Variants in CUL2 observed in about 807,000 individuals in gnomAD.
The protein encoded by CUL2 is cullin 2, also known as cullin-2.
Under a neutral mutation model 110.2 loss-of-function variants are expected in CUL2, and 22 were observed. That is an observed-to-expected ratio of 0.20 (90% CI 0.14 to 0.28). CUL2 has a LOEUF of 0.28. Among genes scored for constraint, CUL2 ranks in the 10% least tolerant of loss-of-function variants. The pLI is 1.00. For missense variants in CUL2, 631 were observed against 905.5 expected, an observed-to-expected ratio of 0.70 and a Z score of 3.89; for synonymous variants, 279 against 293.2, an observed-to-expected ratio of 0.95 and a Z score of 0.49.
At chr10:35,014,420 A>G in intron 18 of CUL2, among the ~76,000 whole-genome samples, 1 of 152,252 alleles carries the variant, frequency 6.6e-6, no homozygotes, top group Non-Finnish European at 1.5e-5. Context: ...CAGGCTTAAG[A>G]AAGCCACTGA....
chr10:35,034,871 C>A (rs1008841844), intron 10 of CUL2, among the ~76,000 whole-genome samples: 10 of 152,256 alleles, frequency 6.6e-5, no homozygotes, highest in African/African-American at 2.4e-4. Context: ...GTTATCAATG[C>A]CAATTACACA....
In CUL2 at chr10:35,051,592, G is replaced by A. The variant is rs1195714327; in HGVS notation, c.424-1827C>T. Among the ~76,000 whole-genome samples, 4 of 152,218 alleles carry A rather than the reference G, an allele frequency of 2.6e-5. No homozygotes were observed. In the South Asian group the frequency reaches 6.2e-4, roughly 24 times the overall value. On this transcript the variant is annotated intron_variant, in intron 5 of 20. Transcript: ENST00000374749. ...CGTGCCACTGCACTCCAGCCTGGGCGACAGCAAGACTCCGTCTCAAAACAA... is the reference window on the plus strand; with the variant it reads ...CGTGCCACTGCACTCCAGCCTGGGCAACAGCAAGACTCCGTCTCAAAACAA...
At chr10:35,094,910 G>C (rs966412110), upstream of CUL2, among the ~76,000 whole-genome samples, 3 of 152,086 alleles carry the variant, frequency 2.0e-5, no homozygotes, top group African/African-American at 7.2e-5. Context: ...TCAAATCCTA[G>C]TTCATCTATG....
intron 1 of CUL2, among the ~76,000 whole-genome samples, chr10:35,103,685 C>A (rs919418686): frequency 6.6e-6 from 1 of 152,020 alleles, no homozygotes; most frequent in Admixed American, 6.6e-5. Context: ...GTCTCGAACA[C>A]CTGACCTCAA....
At chr10:35,110,326 G>A (rs972122888) in intron 1 of CUL2, among the ~76,000 whole-genome samples, 5 of 152,180 alleles carry the variant, frequency 3.3e-5, no homozygotes, top group Admixed American at 6.6e-5. Flanking sequence ...CATTTCGGGA[G>A]GCCAAGGCAG....
At chr10:35,048,926 C>T (rs1269974971) in intron 6 of CUL2, among the ~76,000 whole-genome samples, 4 of 152,148 alleles carry the variant, frequency 2.6e-5, no homozygotes, top group Non-Finnish European at 5.9e-5. Flanking sequence ...ATAAAAAAAA[C>T]TCCTTATTTA....
At chr10:35,014,902 G>A (rs561890551) in intron 18 of CUL2, among the ~76,000 whole-genome samples, 1 of 152,002 alleles carries the variant, frequency 6.6e-6, no homozygotes, top group African/African-American at 2.4e-5. Context: ...GTCAATTTCT[G>A]GGCAGCAAAA....
chr10:35,092,941 C>CA (rs2087235669), upstream of CUL2, among the ~76,000 whole-genome samples: 1 of 152,148 alleles, frequency 6.6e-6, no homozygotes, highest in African/African-American at 2.4e-5. Context: ...CCAGAGGTCA[C>CA]AAGATTTGTG....
intron 1 of CUL2, among the ~76,000 whole-genome samples, chr10:35,084,523 T>C (rs570714616): frequency 6.6e-6 from 1 of 152,272 alleles, no homozygotes; most frequent in East Asian, 1.9e-4. Context: ...AAATATAAAG[T>C]ACTGATATAG....
intron 9 of CUL2, among the ~76,000 whole-genome samples, chr10:35,038,247 C>T (rs1349714324): frequency 2.6e-5 from 4 of 151,184 alleles, no homozygotes; most frequent in African/African-American, 7.3e-5. Flanking sequence ...TCAGAGAGGC[C>T]GGGCGCAGTG....
chr10:35,040,475 G>A (rs954521814), intron 8 of CUL2, among the ~76,000 whole-genome samples: 6 of 152,208 alleles, frequency 3.9e-5, no homozygotes, highest in African/African-American at 1.4e-4. Context: ...ACTTTGGAGA[G>A]TGCTGCTGAG....
intron 17 of CUL2, among the ~76,000 whole-genome samples, chr10:35,017,075 C>T (rs2085054849): frequency 6.6e-6 from 1 of 152,024 alleles, no homozygotes; most frequent in African/African-American, 2.4e-5. Flanking sequence ...GTGATATCAG[C>T]AACAGCCTCA....
At chr10:35,043,910 A>T (rs2085864209) in intron 8 of CUL2, among the ~76,000 whole-genome samples, 1 of 151,852 alleles carries the variant, frequency 6.6e-6, no homozygotes, top group Admixed American at 6.6e-5. Flanking sequence ...TCTATAACAA[A>T]TTTTAAAAGT....
At chr10:35,093,914 A>G (rs1217660625), upstream of CUL2, among the ~76,000 whole-genome samples, 1 of 151,980 alleles carries the variant, frequency 6.6e-6, no homozygotes, top group Non-Finnish European at 1.5e-5. Flanking sequence ...TTTGGAAAAT[A>G]TGGTTATTTT....
chr10:35,033,019 T>A (rs1285927229), intron 11 of CUL2, 147 bp downstream of exon 11: 1 of 421,348 alleles, frequency 2.4e-6, no homozygotes, highest in African/African-American at 2.0e-5. Flanking sequence ...TTAAAAATTA[T>A]ATTATTTCTA....
chr10:35,021,508 A>G (rs1371122324), intron 17 of CUL2, among the ~76,000 whole-genome samples: 2 of 149,580 alleles, frequency 1.3e-5, no homozygotes, highest in Non-Finnish European at 3.0e-5. Flanking sequence ...TGATATTTCC[A>G]TAATTAATAC....
At chr10:35,082,928 C>T (rs1237356320) in intron 1 of CUL2, among the ~76,000 whole-genome samples, 6 of 151,994 alleles carry the variant, frequency 3.9e-5, no homozygotes, top group Admixed American at 6.6e-5. Flanking sequence ...GAGGCCAAGG[C>T]GGGCAGATCA....
intron 6 of CUL2, among the ~76,000 whole-genome samples, chr10:35,045,827 A>G (rs1366425332): frequency 2.6e-5 from 4 of 152,252 alleles, no homozygotes; most frequent in African/African-American, 7.2e-5. Context: ...CCAATGCTCA[A>G]ATCAAACCAT....
chr10:35,080,083 T>G (rs1172531376), intron 1 of CUL2, among the ~76,000 whole-genome samples: 1 of 152,130 alleles, frequency 6.6e-6, no homozygotes, highest in Admixed American at 6.6e-5. Flanking sequence ...TGACCGTGGG[T>G]AACTAAAATG....
Sources: gnomAD v4.1 joint callset for allele counts (sites outside exome capture counted in the v4.1 genomes callset) on GRCh38, gnomAD v4.1.1 for gene constraint, MANE v1.5 for transcripts, NCBI Gene and HGNC (gene_info 2026-07-23, HGNC 2026-07-21) for gene names.